The following TRAPPC9 variants were observed in gnomAD, a reference collection of about 807,000 sequenced individuals.
TRAPPC9 encodes the protein trafficking protein particle complex subunit 9, also known as IKK2 binding protein.
A neutral mutation model predicts 124.0 loss-of-function variants in TRAPPC9; 83 were observed. That is an observed-to-expected ratio of 0.67 (90% CI 0.56 to 0.80). The LOEUF is 0.80. Among genes scored for constraint, TRAPPC9 ranks in the 30% least tolerant of loss-of-function variants. TRAPPC9 has a pLI of 0.00. For missense variants in TRAPPC9, 1,302 were observed against 1,508.3 expected (o/e 0.86, Z 2.27); for synonymous variants, 638 against 617.5 (o/e 1.03, Z -0.49).
chr8:140,392,692 C>T (rs60411040), intron 7 of TRAPPC9, among the ~76,000 whole-genome samples: 4 of 152,166 alleles, frequency 2.6e-5, no homozygotes, highest in Admixed American at 6.5e-5. Context: ...AGAGGCCCTT[C>T]GCCTCTGAAA....
intron 17 of TRAPPC9, among the ~76,000 whole-genome samples, chr8:140,149,848 C>A (rs1378030424): frequency 6.6e-6 from 1 of 151,766 alleles, no homozygotes; most frequent in Non-Finnish European, 1.5e-5. Flanking sequence ...AGCAGTGGAG[C>A]CTACATGAGG....
At chr8:140,190,340 C>A (rs2062461921) in intron 17 of TRAPPC9, among the ~76,000 whole-genome samples, 1 of 152,150 alleles carries the variant, frequency 6.6e-6, no homozygotes, top group African/African-American at 2.4e-5. Flanking sequence ...CGACTGTAAT[C>A]CCAGCTACTC....
chr8:140,272,386 G>A (rs2064968878), intron 15 of TRAPPC9, among the ~76,000 whole-genome samples: 1 of 150,394 alleles, frequency 6.6e-6, no homozygotes, highest in Admixed American at 6.6e-5. Context: ...TGGTGATGAT[G>A]GTGATGGTGG....
At chr8:139,763,841 G>A (rs746399355) in intron 21 of TRAPPC9, among the ~76,000 whole-genome samples, 22 of 152,224 alleles carry the variant, frequency 1.4e-4, no homozygotes, top group Non-Finnish European at 3.2e-4. Context: ...GGCCAGTGAT[G>A]GAGCAGGCAT....
At chr8:140,296,805 A>C (rs963922256) in intron 11 of TRAPPC9, among the ~76,000 whole-genome samples, 1 of 152,244 alleles carries the variant, frequency 6.6e-6, no homozygotes, top group African/African-American at 2.4e-5. Flanking sequence ...TCACCTCTGG[A>C]AGTTTTTCTC....
At chr8:140,238,896 G>C (rs1441129913) in intron 16 of TRAPPC9, among the ~76,000 whole-genome samples, 5 of 152,212 alleles carry the variant, frequency 3.3e-5, no homozygotes, top group African/African-American at 1.2e-4. Flanking sequence ...TGACGCCGGG[G>C]CTCCAGCAAA....
At chr8:140,407,764 G>A (rs923445312) in intron 5 of TRAPPC9, among the ~76,000 whole-genome samples, 1 of 152,150 alleles carries the variant, frequency 6.6e-6, no homozygotes, top group African/African-American at 2.4e-5. Context: ...TGGGATGACA[G>A]GCACCCACCA....
chr8:139,871,337 CTA>C (rs1828888116), intron 21 of TRAPPC9, among the ~76,000 whole-genome samples: 1 of 152,160 alleles, frequency 6.6e-6, no homozygotes, highest in African/African-American at 2.4e-5. Flanking sequence ...ACTTGCCACT[CTA>C]TGGAGATTTC....
intron 16 of TRAPPC9, among the ~76,000 whole-genome samples, chr8:140,236,598 A>T (rs1469570606): frequency 6.6e-6 from 1 of 152,220 alleles, no homozygotes; most frequent in African/African-American, 2.4e-5. Context: ...ATTTGTGTTC[A>T]TTACTGTATG....
intron 21 of TRAPPC9, among the ~76,000 whole-genome samples, chr8:139,745,380 A>T (rs999406687): frequency 5.3e-5 from 8 of 152,236 alleles, no homozygotes; most frequent in African/African-American, 1.9e-4. Flanking sequence ...CTGGCCAGAG[A>T]GAAATGCCCA....
intron 18 of TRAPPC9, among the ~76,000 whole-genome samples, chr8:139,992,171 T>C (rs997099430): frequency 2.6e-5 from 4 of 152,030 alleles, no homozygotes; most frequent in Non-Finnish European, 4.4e-5. Flanking sequence ...GAAAATACAT[T>C]TATAATAGCA....
chr8:139,805,259 C>T (rs563879323), intron 21 of TRAPPC9, among the ~76,000 whole-genome samples: 25 of 152,198 alleles, frequency 1.6e-4, no homozygotes, highest in Admixed American at 6.5e-4. Context: ...TCTAGCGTGG[C>T]GTGAGGTGTG....
At chr8:140,369,809 G>T (rs1362982027) in intron 8 of TRAPPC9, among the ~76,000 whole-genome samples, 2 of 152,098 alleles carry the variant, frequency 1.3e-5, no homozygotes, top group Non-Finnish European at 2.9e-5. Flanking sequence ...AAAATTAGCT[G>T]GGCGTGGTAG....
intron 21 of TRAPPC9, chr8:139,806,230 C>A (rs539206527): frequency 6.6e-6 from 1 of 152,368 alleles, no homozygotes; most frequent in South Asian, 2.1e-4. Context: ...AGCAGCAGAT[C>A]TTTGCCAGTT....
At chr8:139,985,303 A>T (rs969421734) in intron 19 of TRAPPC9, among the ~76,000 whole-genome samples, 1 of 152,200 alleles carries the variant, frequency 6.6e-6, no homozygotes, top group African/African-American at 2.4e-5. Flanking sequence ...GTTTTATACT[A>T]GTGTCATAAG....
chr8:140,162,245 C>T (rs938275112), intron 17 of TRAPPC9, among the ~76,000 whole-genome samples: 1 of 152,164 alleles, frequency 6.6e-6, no homozygotes, highest in African/African-American at 2.4e-5. Context: ...CTTCCCTCCC[C>T]TCCTGCCACT....
chr8:140,359,801 C>T (rs1358269762), intron 9 of TRAPPC9, among the ~76,000 whole-genome samples: 1 of 152,106 alleles, frequency 6.6e-6, no homozygotes, highest in Non-Finnish European at 1.5e-5. Context: ...AGGGAAAAGC[C>T]ATGGAGTGTG....
intron 17 of TRAPPC9, among the ~76,000 whole-genome samples, chr8:140,191,554 C>G (rs568820424): frequency 6.6e-6 from 1 of 152,136 alleles, no homozygotes. Flanking sequence ...CTCCCACTCT[C>G]GCCATGTGAC....
chr8:139,766,214 G>A (rs1219969926), intron 21 of TRAPPC9, among the ~76,000 whole-genome samples: 2 of 152,322 alleles, frequency 1.3e-5, no homozygotes, highest in Admixed American at 6.5e-5. Context: ...CAGCCCTGAC[G>A]GGATGCGTGT....
Sources: gnomAD v4.1 joint callset for allele counts (sites outside exome capture counted in the v4.1 genomes callset) on GRCh38, gnomAD v4.1.1 for gene constraint, MANE v1.5 for transcripts, NCBI Gene and HGNC (gene_info 2026-07-23, HGNC 2026-07-21) for gene names.